TENM4: variants seen among roughly 807,000 people sequenced by gnomAD.
TENM4 encodes teneurin transmembrane protein 4, also known as teneurin-4.
A neutral mutation model predicts 243.3 loss-of-function variants in TENM4; 82 were observed. The observed-to-expected ratio is 0.34, with a 90% CI of 0.28 to 0.40. The LOEUF (loss-of-function observed/expected upper bound fraction) is 0.40. TENM4 is among the 10% of genes least tolerant of loss of function. The pLI, the probability that TENM4 is intolerant of heterozygous loss-of-function variation, is 1.00. For missense variants in TENM4, 3,138 were observed against 3,673.3 expected, an observed-to-expected ratio of 0.85 and a Z score of 3.77; for synonymous variants, 1,412 against 1,456.3, an observed-to-expected ratio of 0.97 and a Z score of 0.69.
At chr11:79,173,379 C>T (rs1011987676) in intron 3 of TENM4, among the ~76,000 whole-genome samples, 41 of 152,072 alleles carry the variant, frequency 2.7e-4, no homozygotes, top group African/African-American at 9.4e-4. Context: ...TGGTTATTCT[C>T]GGTTGAGTCT....
intron 2 of TENM4, among the ~76,000 whole-genome samples, chr11:79,240,467 A>C (rs1000089527): frequency 6.6e-6 from 1 of 152,218 alleles, no homozygotes; most frequent in African/African-American, 2.4e-5. Flanking sequence ...CACCTGGACT[A>C]TGCTGTCTTA....
chr11:78,891,123 T>C (rs1458520947), intron 8 of TENM4, 115 bp downstream of exon 8: 4 of 890,480 alleles, frequency 4.5e-6, no homozygotes, highest in African/African-American at 1.7e-5. Context: ...GTGATGAGCA[T>C]GCCACATGGA....
At chr11:78,935,968 G>A (rs950656803) in intron 6 of TENM4, among the ~76,000 whole-genome samples, 5 of 152,158 alleles carry the variant, frequency 3.3e-5, no homozygotes, top group Admixed American at 1.3e-4. Context: ...ATCTGTAAGG[G>A]CCCTCTGAGT....
intron 1 of TENM4, among the ~76,000 whole-genome samples, chr11:79,301,875 G>C (rs1856555460): frequency 6.6e-6 from 1 of 152,140 alleles, no homozygotes; most frequent in African/African-American, 2.4e-5. Context: ...TAAGTTTCCT[G>C]AGGTCTCCCC....
intron 1 of TENM4, among the ~76,000 whole-genome samples, chr11:79,344,952 C>G (rs374269025): frequency 4.7e-4 from 72 of 152,344 alleles, no homozygotes; most frequent in African/African-American, 1.5e-3. Context: ...CCATCCAAAG[C>G]TTCCATAACT....
At chr11:79,210,558 C>T (rs547919961) in intron 3 of TENM4, among the ~76,000 whole-genome samples, 8 of 152,292 alleles carry the variant, frequency 5.3e-5, no homozygotes, top group Admixed American at 2.0e-4. Flanking sequence ...GTGGGAAAAG[C>T]GGTCATGGGC....
chr11:79,129,247 G>A (rs923310679), intron 4 of TENM4, among the ~76,000 whole-genome samples: 1 of 152,156 alleles, frequency 6.6e-6, no homozygotes, highest in Non-Finnish European at 1.5e-5. Flanking sequence ...GGCCATTCCT[G>A]CCTGGCACCA....
chr11:79,274,868 C>A (rs935545077), intron 2 of TENM4, among the ~76,000 whole-genome samples: 1 of 152,132 alleles, frequency 6.6e-6, no homozygotes, highest in African/African-American at 2.4e-5. Flanking sequence ...CCTTCACTTG[C>A]CATGTGACCT....
intron 6 of TENM4, among the ~76,000 whole-genome samples, chr11:78,998,943 G>A (rs1858244809): frequency 6.6e-6 from 1 of 152,196 alleles, no homozygotes; most frequent in Admixed American, 6.5e-5. Context: ...AGATGTAAAA[G>A]GACCCAGTGG....
At chr11:78,723,140 A>G (rs1855438618) in intron 23 of TENM4, among the ~76,000 whole-genome samples, 1 of 152,238 alleles carries the variant, frequency 6.6e-6, no homozygotes. Context: ...GATAGACACT[A>G]TTATTATCCC....
At chr11:78,890,071 C>A in intron 8 of TENM4, 51 bp from the exon 9 acceptor site, 1 of 1,448,084 alleles carries the variant, frequency 6.9e-7, no homozygotes, top group East Asian at 2.5e-5. Context: ...ACAGACCAGG[C>A]ACCCAGACAA....
Position 79,382,799 on chromosome 11 carries a change from A to G in TENM4, c.-321+57710T>C, listed in dbSNP as rs889939113. Among the ~76,000 whole-genome samples, 12 of 152,194 alleles carry G rather than the reference A, an allele frequency of 7.9e-5. 1 individual carries two copies. The highest frequency in any genetic ancestry group is 3.9e-4 in the Admixed American group (6 of 15,304). ...CTGAGAAATGAAACCACTCCTCTCT[A>G]TGGGGAGAATCCTTGGAAGAATATT... On this transcript the variant is annotated intron_variant, in intron 1 of 33. Transcript: ENST00000278550.
chr11:79,105,788 G>A (rs577972433), intron 4 of TENM4, among the ~76,000 whole-genome samples: 128 of 152,362 alleles, frequency 8.4e-4, no homozygotes, highest in Non-Finnish European at 1.5e-3. Flanking sequence ...CTGAGCAGCA[G>A]TTTGCAAGAG....
intron 2 of TENM4, among the ~76,000 whole-genome samples, chr11:79,248,167 G>A (rs753543140): frequency 6.6e-6 from 1 of 152,182 alleles, no homozygotes; most frequent in Non-Finnish European, 1.5e-5. Context: ...AGAATGAAGA[G>A]ACTGCGACTA....
chr11:79,288,846 T>C (rs927498499), intron 2 of TENM4, among the ~76,000 whole-genome samples: 1 of 150,670 alleles, frequency 6.6e-6, no homozygotes, highest in Non-Finnish European at 1.5e-5. Flanking sequence ...CTGGTTGAAA[T>C]AAGAATGGGT....
At chr11:79,177,381 T>G (rs1863184318) in intron 3 of TENM4, among the ~76,000 whole-genome samples, 1 of 152,128 alleles carries the variant, frequency 6.6e-6, no homozygotes, top group Non-Finnish European at 1.5e-5. Flanking sequence ...CCTTTTCTTT[T>G]TTTTTCTTTT....
intron 1 of TENM4, among the ~76,000 whole-genome samples, chr11:79,318,791 A>G (rs939876803): frequency 2.0e-5 from 3 of 152,210 alleles, no homozygotes; most frequent in Non-Finnish European, 4.4e-5. Context: ...TTTAATAACT[A>G]GCTCACAGAA....
chr11:79,030,897 T>C (rs946900456), intron 6 of TENM4, among the ~76,000 whole-genome samples: 1 of 151,328 alleles, frequency 6.6e-6, no homozygotes, highest in African/African-American at 2.4e-5. Flanking sequence ...GGGCGTAGGA[T>C]GGAAAGCACC....
At chr11:79,423,186 G>C (rs763418121) in intron 1 of TENM4, among the ~76,000 whole-genome samples, 1 of 152,140 alleles carries the variant, frequency 6.6e-6, no homozygotes, top group Non-Finnish European at 1.5e-5. Flanking sequence ...ATTCCAACTG[G>C]AGAGGTAACA....
Sources: gnomAD v4.1 joint callset for allele counts (sites outside exome capture counted in the v4.1 genomes callset) on GRCh38, gnomAD v4.1.1 for gene constraint, MANE v1.5 for transcripts, NCBI Gene and HGNC (gene_info 2026-07-23, HGNC 2026-07-21) for gene names.